VAV2: variants seen among roughly 807,000 people sequenced by gnomAD.
VAV2 encodes the protein guanine nucleotide exchange factor VAV2.
In VAV2, 67 loss-of-function variants were observed where a neutral mutation model predicts 132.5. That is an observed-to-expected ratio of 0.51 (90% confidence interval 0.42 to 0.62). The LOEUF (loss-of-function observed/expected upper bound fraction) is 0.62. VAV2 is among the 20% of genes least tolerant of loss of function. VAV2 has a pLI of 0.00. For synonymous variants in VAV2, 492 were observed against 443.5 expected, an observed-to-expected ratio of 1.11 and a Z score of -1.37; for missense variants, 938 against 1,153.6, an observed-to-expected ratio of 0.81 and a Z score of 2.71.
intron 2 of VAV2, among the ~76,000 whole-genome samples, chr9:133,937,531 T>TGCGC (rs1840969418): frequency 9.6e-6 from 1 of 104,124 alleles, no homozygotes; most frequent in Non-Finnish European, 2.5e-5. Flanking sequence ...TGTGAGAGTG[T>TGCGC]GTGTGAGAGT....
At chr9:133,836,783 A>G (rs1836489000) in intron 3 of VAV2, among the ~76,000 whole-genome samples, 1 of 152,236 alleles carries the variant, frequency 6.6e-6, no homozygotes, top group Non-Finnish European at 1.5e-5. Flanking sequence ...AAGCCGATCA[A>G]GAGATGCATT....
intron 2 of VAV2, among the ~76,000 whole-genome samples, chr9:133,901,221 G>A (rs1029381933): frequency 6.6e-6 from 1 of 152,188 alleles, no homozygotes; most frequent in Admixed American, 6.5e-5. Flanking sequence ...CACCACTCCG[G>A]GGGCCCAGTG....
intron 2 of VAV2, among the ~76,000 whole-genome samples, chr9:133,890,679 G>A (rs767760153): frequency 1.3e-5 from 2 of 152,198 alleles, no homozygotes; most frequent in Non-Finnish European, 2.9e-5. Flanking sequence ...AGGAAGGGGA[G>A]GTGAGGAAGG....
chr9:133,974,621 CA>C (rs1374924784), intron 1 of VAV2, among the ~76,000 whole-genome samples: 2 of 152,272 alleles, frequency 1.3e-5, no homozygotes, highest in East Asian at 3.9e-4. Context: ...TGCCCAAAGG[CA>C]TGAGCAAGCT....
intron 2 of VAV2, among the ~76,000 whole-genome samples, chr9:133,881,537 C>T (rs1034790932): frequency 4.6e-5 from 7 of 152,054 alleles, no homozygotes; most frequent in African/African-American, 9.7e-5. Flanking sequence ...GAGGAACTGA[C>T]GAGGAACACA....
chr9:133,974,780 C>CACTGCACCCAGT, intron 1 of VAV2, among the ~76,000 whole-genome samples: 1 of 152,286 alleles, frequency 6.6e-6, no homozygotes, highest in Non-Finnish European at 1.5e-5. Flanking sequence ...CTGCACCCAG[C>CACTGCACCCAGT]ACTGCACCAT....
intron 1 of VAV2, among the ~76,000 whole-genome samples, chr9:133,939,751 ACAC>A (rs777557715): frequency 6.6e-6 from 1 of 152,260 alleles, no homozygotes; most frequent in Non-Finnish European, 1.5e-5. Context: ...GCTTCTGACA[ACAC>A]CAACACATCC....
chr9:133,809,763 G>T (rs2131696139), intron 6 of VAV2, among the ~76,000 whole-genome samples: 1 of 152,344 alleles, frequency 6.6e-6, no homozygotes, highest in South Asian at 2.1e-4. Flanking sequence ...ATTAGAGATT[G>T]CCTGGCCCAT....
At chr9:133,781,632 G>C (rs1176940730) in intron 19 of VAV2, among the ~76,000 whole-genome samples, 2 of 152,234 alleles carry the variant, frequency 1.3e-5, no homozygotes, top group Non-Finnish European at 2.9e-5. Context: ...GCAGAGCCCA[G>C]GGGTGAAGGC....
chr9:133,808,759 A>C (rs996531000), intron 7 of VAV2, among the ~76,000 whole-genome samples: 7 of 152,208 alleles, frequency 4.6e-5, no homozygotes, highest in African/African-American at 1.7e-4. Context: ...GCCTTAGAGC[A>C]ATGTTCAGGA....
chr9:133,946,117 C>A (rs894516587), intron 1 of VAV2, among the ~76,000 whole-genome samples: 8 of 152,228 alleles, frequency 5.3e-5, no homozygotes, highest in Non-Finnish European at 7.3e-5. Flanking sequence ...AGCTGAGGAG[C>A]AGCCACAGTG....
At chr9:133,953,277 G>C (rs745699987) in intron 1 of VAV2, among the ~76,000 whole-genome samples, 2 of 152,260 alleles carry the variant, frequency 1.3e-5, no homozygotes, top group Non-Finnish European at 2.9e-5. Flanking sequence ...GCTGGTGGCA[G>C]GCAGTCCTGT....
At chr9:133,941,964 T>A (rs1446169872) in intron 1 of VAV2, among the ~76,000 whole-genome samples, 1 of 151,576 alleles carries the variant, frequency 6.6e-6, no homozygotes, top group African/African-American at 2.4e-5. Flanking sequence ...AGGAGAATAG[T>A]GGGCGCCCTC....
rs958364128 is a variant in VAV2, at chr9:133,824,599, G to A, written c.449+9673C>T. Among the ~76,000 whole-genome samples the A allele has an allele frequency of 6.6e-5, 10 of 152,136 alleles. No homozygotes were observed. Among genetic ancestry groups the A allele is most frequent in the African/African-American group, 2.4e-4 (10 of 41,436 alleles). The stretch of plus-strand genomic sequence containing the variant: ...CTTCCTGCCCTCCTGGCTTGTCAGG[G>A]TCTGCCCCCAGAGGCTGCTGCCTGG... On this transcript the variant is annotated intron_variant, in intron 4 of 29. Transcript: ENST00000371850. The surrounding 1 kb of genome is among the most constrained non-coding windows in gnomAD (Gnocchi z 5.2).
In VAV2 at chr9:133,928,889, C is replaced by T. The variant is rs1451180924; in HGVS notation, c.321+10214G>A. ...CGGGTGAGGCTGGCACTCCAGGCCA[C>T]TGGAATGGCCATCAGATGCACCCCT... On this transcript the variant is annotated intron_variant, in intron 2 of 29. Coordinates refer to ENST00000371850, the MANE Select transcript of VAV2 (RefSeq NM_001134398.2). The surrounding 1 kb of genome is among the most constrained non-coding windows in gnomAD (Gnocchi z 5.4). 6.6e-6 allele frequency among the ~76,000 whole-genome samples: 1 copy of T among 152,180 alleles called. No homozygotes were observed. The highest frequency in any genetic ancestry group is 1.5e-5 in the Non-Finnish European group (1 of 68,030).
chr9:133,815,229 TG>T (rs1304528727), intron 4 of VAV2, among the ~76,000 whole-genome samples: 1 of 152,018 alleles, frequency 6.6e-6, no homozygotes, highest in Admixed American at 6.6e-5. Context: ...AAGACAGAAC[TG>T]TCACGCCCGG....
intron 1 of VAV2, among the ~76,000 whole-genome samples, chr9:133,949,616 G>A (rs562217375): frequency 2.0e-5 from 3 of 152,326 alleles, no homozygotes; most frequent in East Asian, 1.9e-4. Context: ...ATGCTGCTGC[G>A]AGATGGGAAA....
chr9:133,964,040 T>TATATAC (rs1842056357), intron 1 of VAV2, among the ~76,000 whole-genome samples: 1 of 104,064 alleles, frequency 9.6e-6, no homozygotes, highest in Non-Finnish European at 2.1e-5. Flanking sequence ...TATATATATA[T>TATATAC]ATATATATAC....
chr9:133,775,973 C>G, intron 24 of VAV2, 55 bp downstream of exon 24: 2 of 1,563,354 alleles, frequency 1.3e-6, no homozygotes, highest in South Asian at 1.2e-5. Flanking sequence ...GCGGGCATGC[C>G]CCCATAACAA....
Sources: allele counts gnomAD v4.1 joint callset (sites outside exome capture counted in the v4.1 genomes callset), GRCh38; gene constraint gnomAD v4.1.1; non-coding constraint Gnocchi (gnomAD v3.1); transcripts MANE v1.5; gene names NCBI Gene and HGNC (gene_info 2026-07-23, HGNC 2026-07-21).